VSIG10: variants seen among roughly 807,000 people sequenced by gnomAD.
The protein encoded by VSIG10 is V-set and immunoglobulin domain-containing protein 10.
In VSIG10, 48 loss-of-function variants were observed where a neutral mutation model predicts 58.7. The ratio of observed to expected loss-of-function variants is 0.82; its 90% CI spans 0.65 to 1.04. VSIG10 has a LOEUF of 1.04. Among genes scored for constraint, VSIG10 ranks in the 50% least tolerant of loss-of-function variants. The pLI is 0.00. For missense variants in VSIG10, 628 were observed against 670.0 expected (o/e 0.94, Z 0.69); for synonymous variants, 260 against 267.1 (o/e 0.97, Z 0.26).
Position 118,074,080 on chromosome 12 carries a change from G to A in VSIG10, c.926-88C>T, listed in dbSNP as rs544602445. 7.2e-5 allele frequency: 98 copies of A among 1,362,860 alleles called. No homozygotes were observed. The Middle Eastern group carries it at 1.7e-3, about 23-fold the overall frequency. 84.4% of individuals were successfully genotyped at this position (1,362,860 alleles called of 1,614,324 possible). A position where few individuals can be genotyped will look rare whatever the true frequency, so the allele number is the denominator to read the frequency against. ...TGCAGGAAAACTGCAGTAGTTTTTTGTTTTGTTTTGTTTTGTTTTGAGATG... is the reference window on the plus strand; with the variant it reads ...TGCAGGAAAACTGCAGTAGTTTTTTATTTTGTTTTGTTTTGTTTTGAGATG... On this transcript the variant is annotated intron_variant, in intron 4 of 8. Transcript: ENST00000359236.
intron 4 of VSIG10, among the ~76,000 whole-genome samples, chr12:118,075,069 A>T (rs561044271): frequency 1.3e-5 from 2 of 150,602 alleles, no homozygotes; most frequent in South Asian, 4.2e-4. Flanking sequence ...ATTTATGTAT[A>T]AGAAAAAGCA....
intron 7 of VSIG10, chr12:118,070,808 C>T: frequency 3.5e-6 from 2 of 570,320 alleles, no homozygotes; most frequent in South Asian, 4.5e-5. Flanking sequence ...CTGGAATGAG[C>T]TTGCAGAAAT....
intron 4 of VSIG10, 118 bp downstream of exon 4, chr12:118,079,228 G>C: frequency 7.3e-7 from 1 of 1,378,092 alleles, no homozygotes; most frequent in South Asian, 1.5e-5. Context: ...GAAAGGGAAG[G>C]AATTCAGTCC....
rs2033687962 is a variant in VSIG10, at chr12:118,103,950, CG to C, written c.-280del. 1 of 352,916 alleles carries C rather than the reference CG, an allele frequency of 2.8e-6. No homozygotes were observed. The highest frequency in any genetic ancestry group is 4.3e-5 in the East Asian group (1 of 23,292). 21.9% of individuals were successfully genotyped at this position (352,916 alleles called of 1,614,324 possible). On this transcript the variant is annotated 5_prime_UTR_variant, in exon 1 of 9. Transcript: ENST00000359236. ...GCGCCCGCCAGCCTACTCCTGCCGG[CG>C]GAAAACAACAGGAGCGGGATCCCTC...
At position 118,066,271 on chromosome 12, in the gene VSIG10, A is replaced by G. The variant is rs895028835; in HGVS notation, c.*368T>C. 15 of 183,406 alleles carry G rather than the reference A, an allele frequency of 8.2e-5. No homozygotes were observed. The highest frequency in any genetic ancestry group is 1.5e-4 in the East Asian group (1 of 6,812). 11.4% of individuals were successfully genotyped at this position (183,406 alleles called of 1,614,324 possible). On this transcript the variant is annotated 3_prime_UTR_variant, in exon 9 of 9. Transcript: ENST00000359236. ...AAAAAAAAAAAAAAAAAAAAAAAAA[A>G]GCGGCAAAAGGCACCAAGACCCAGT...
chr12:118,075,735 A>G (rs1593502920), intron 4 of VSIG10, among the ~76,000 whole-genome samples: 1 of 152,198 alleles, frequency 6.6e-6, no homozygotes, highest in East Asian at 1.9e-4. Context: ...TGGGCAAGGC[A>G]CTGTTACATG....
intron 2 of VSIG10, among the ~76,000 whole-genome samples, chr12:118,092,642 T>TTC (rs2033332341): frequency 6.6e-6 from 1 of 150,972 alleles, no homozygotes; most frequent in African/African-American, 2.4e-5. Context: ...CTTTTTCTTT[T>TTC]TTTTTTTTTT....
intron 2 of VSIG10, among the ~76,000 whole-genome samples, chr12:118,084,832 A>G (rs1470858347): frequency 6.6e-6 from 1 of 152,196 alleles, no homozygotes; most frequent in African/African-American, 2.4e-5. Context: ...ATCCTGGCTA[A>G]CACGGTGAAA....
intron 1 of VSIG10, 56 bp from the exon 2 acceptor site, chr12:118,095,870 C>G: frequency 6.5e-7 from 1 of 1,531,988 alleles, no homozygotes; most frequent in South Asian, 1.2e-5. Flanking sequence ...AACAATGTCC[C>G]TTTTTGGACA....
At chr12:118,082,577 G>T in intron 2 of VSIG10, 148 bp from the exon 3 acceptor site, 1 of 804,896 alleles carries the variant, frequency 1.2e-6, no homozygotes, top group Non-Finnish European at 1.9e-6. Flanking sequence ...TATGCCAAGT[G>T]CCCTGATACA....
intron 2 of VSIG10, among the ~76,000 whole-genome samples, chr12:118,087,569 G>T (rs1045515201): frequency 6.6e-5 from 10 of 152,028 alleles, no homozygotes; most frequent in African/African-American, 1.4e-4. Context: ...GGGCGAGGTG[G>T]TTCATATCTG....
chr12:118,096,994 G>C (rs1038641661), intron 1 of VSIG10, among the ~76,000 whole-genome samples: 3 of 152,282 alleles, frequency 2.0e-5, no homozygotes, highest in African/African-American at 7.2e-5. Context: ...AGCCGAGATT[G>C]CGCCACTGTA....
chr12:118,090,130 A>G (rs2033249776), intron 2 of VSIG10, among the ~76,000 whole-genome samples: 1 of 152,096 alleles, frequency 6.6e-6, no homozygotes, highest in Non-Finnish European at 1.5e-5. Context: ...CCTGGCCAAC[A>G]TGGTGAAAAC....
chr12:118,078,444 C>T (rs531394176), intron 4 of VSIG10, among the ~76,000 whole-genome samples: 1 of 152,248 alleles, frequency 6.6e-6, no homozygotes, highest in Admixed American at 6.5e-5. Context: ...CAGGTGTGAG[C>T]TACCACGCCC....
At chr12:118,100,104 T>C (rs1287677175) in intron 1 of VSIG10, among the ~76,000 whole-genome samples, 1 of 152,214 alleles carries the variant, frequency 6.6e-6, no homozygotes, top group African/African-American at 2.4e-5. Flanking sequence ...GGGCGGTGGC[T>C]CACGCCTGTA....
At chr12:118,099,069 G>A (rs1240261762) in intron 1 of VSIG10, among the ~76,000 whole-genome samples, 3 of 151,534 alleles carry the variant, frequency 2.0e-5, no homozygotes, top group African/African-American at 7.3e-5. Flanking sequence ...AGCCCTCCAG[G>A]TGATTCTGAC....
intron 2 of VSIG10, 52 bp from the exon 3 acceptor site, chr12:118,082,481 G>T: frequency 6.5e-7 from 1 of 1,530,198 alleles, no homozygotes. Context: ...GAGCTCATTC[G>T]ATTGCCTTAC....
At chr12:118,093,105 C>T (rs773842553) in intron 2 of VSIG10, among the ~76,000 whole-genome samples, 32 of 148,122 alleles carry the variant, frequency 2.2e-4, no homozygotes, top group Non-Finnish European at 4.0e-4. Flanking sequence ...CTGGCTAACA[C>T]AGTGAAACCC....
chr12:118,088,113 C>T (rs144714296), intron 2 of VSIG10, among the ~76,000 whole-genome samples: 2,125 of 151,922 alleles, frequency 0.014, 47 homozygotes, highest in African/African-American at 0.048. Flanking sequence ...GGCGTGGTGG[C>T]GCACGCCTGT....
Sources: allele counts gnomAD v4.1 joint callset (sites outside exome capture counted in the v4.1 genomes callset), GRCh38; gene constraint gnomAD v4.1.1; transcripts MANE v1.5; gene names NCBI Gene and HGNC (gene_info 2026-07-23, HGNC 2026-07-21).